The following SORCS3 variants were observed in gnomAD, a reference collection of about 807,000 sequenced individuals.
The protein encoded by SORCS3 is sortilin related VPS10 domain containing receptor 3.
A neutral mutation model predicts 146.3 loss-of-function variants in SORCS3; 57 were observed. That is an observed-to-expected ratio of 0.39 (90% CI 0.31 to 0.49). The LOEUF (loss-of-function observed/expected upper bound fraction) is 0.49, where lower values mean the gene tolerates loss of function less well. SORCS3 is among the 20% of genes least tolerant of loss of function. The pLI, the probability that SORCS3 is intolerant of heterozygous loss-of-function variation, is 0.92. For synonymous variants in SORCS3, 653 were observed against 618.5 expected (o/e 1.06, Z -0.83); for missense variants, 1,341 against 1,575.5 (o/e 0.85, Z 2.52).
chr10:104,689,130 C>T (rs1015513589), intron 1 of SORCS3, among the ~76,000 whole-genome samples: 13 of 152,198 alleles, frequency 8.5e-5, no homozygotes, highest in Non-Finnish European at 2.9e-5. Context: ...CTTCATTTTC[C>T]ATCACTCCTG....
chr10:104,799,496 A>G lies in SORCS3; in HGVS notation c.628-43296A>G, dbSNP rs536625803. On this transcript the variant is annotated intron_variant, in intron 1 of 26. Coordinates refer to ENST00000369701, the MANE Select transcript of SORCS3 (RefSeq NM_014978.3). Reference sequence around the variant, plus strand: ...AATCATAAGTGGGAGTTGAACAATGAAAACACATGGACACAGGGAGGGGAA... The same window carrying G: ...AATCATAAGTGGGAGTTGAACAATGGAAACACATGGACACAGGGAGGGGAA... 4.9e-4 allele frequency among the ~76,000 whole-genome samples: 75 copies of G among 152,242 alleles called. No homozygotes were observed. In the South Asian group the frequency reaches 5.4e-3, roughly 11 times the overall value.
chr10:104,876,846 T>C (rs1434075806), intron 2 of SORCS3, among the ~76,000 whole-genome samples: 1 of 151,816 alleles, frequency 6.6e-6, no homozygotes. Flanking sequence ...TTCTCTGCTT[T>C]TCTTTTTTCT....
intron 1 of SORCS3, among the ~76,000 whole-genome samples, chr10:104,823,329 G>T (rs76316200): frequency 0.018 from 2,668 of 152,254 alleles, 94 homozygotes; most frequent in African/African-American, 0.058. Context: ...TTGGATTGGA[G>T]CTGGATCTCA....
At chr10:104,889,528 T>A (rs1342727539) in intron 2 of SORCS3, among the ~76,000 whole-genome samples, 1 of 151,564 alleles carries the variant, frequency 6.6e-6, no homozygotes, top group East Asian at 1.9e-4. Flanking sequence ...TTGTGTCAGG[T>A]TAGGGGTTGC....
At chr10:104,733,978 C>T (rs542622125) in intron 1 of SORCS3, among the ~76,000 whole-genome samples, 2 of 152,212 alleles carry the variant, frequency 1.3e-5, no homozygotes, top group African/African-American at 4.8e-5. Context: ...TCCTGATGTC[C>T]TGTTTGTTTT....
At chr10:104,784,924 C>T (rs763907072) in intron 1 of SORCS3, among the ~76,000 whole-genome samples, 11 of 152,192 alleles carry the variant, frequency 7.2e-5, no homozygotes, top group Non-Finnish European at 1.5e-4. Context: ...CACAAAGCCG[C>T]CATTGTCATC....
chr10:105,017,334 A>G (rs1347238508), intron 4 of SORCS3, among the ~76,000 whole-genome samples: 1 of 152,148 alleles, frequency 6.6e-6, no homozygotes, highest in African/African-American at 2.4e-5. Context: ...ATGCAGTGAA[A>G]GAATAGGAAG....
At chr10:105,030,091 C>T (rs1047247942) in intron 4 of SORCS3, among the ~76,000 whole-genome samples, 1 of 152,154 alleles carries the variant, frequency 6.6e-6, no homozygotes, top group Non-Finnish European at 1.5e-5. Flanking sequence ...CAAAACAGCC[C>T]AGTTAGTTCA....
intron 13 of SORCS3, among the ~76,000 whole-genome samples, chr10:105,170,893 G>A (rs2056353986): frequency 6.6e-6 from 1 of 152,074 alleles, no homozygotes; most frequent in Non-Finnish European, 1.5e-5. Flanking sequence ...TGAAACTTAA[G>A]CCAGCTTTTT....
At chr10:104,649,382 T>C (rs1170219935) in intron 1 of SORCS3, among the ~76,000 whole-genome samples, 1 of 152,242 alleles carries the variant, frequency 6.6e-6, no homozygotes, top group Non-Finnish European at 1.5e-5. Flanking sequence ...TAAGTGAGAC[T>C]GTACAGGGCA....
chr10:104,987,774 T>G (rs903762005), intron 4 of SORCS3, among the ~76,000 whole-genome samples: 10 of 152,192 alleles, frequency 6.6e-5, no homozygotes, highest in African/African-American at 2.4e-4. Flanking sequence ...AAGTGATTTA[T>G]TCTGGTAGTT....
chr10:104,735,238 C>T (rs2016754021), intron 1 of SORCS3, among the ~76,000 whole-genome samples: 1 of 152,110 alleles, frequency 6.6e-6, no homozygotes, highest in African/African-American at 2.4e-5. Context: ...TTGTTCTTGG[C>T]ACTTATGCCA....
intron 2 of SORCS3, among the ~76,000 whole-genome samples, chr10:104,887,971 G>GCT (rs1554857309): frequency 1.2e-5 from 1 of 83,034 alleles, no homozygotes; most frequent in Non-Finnish European, 2.5e-5. Flanking sequence ...GGGGGGCGGG[G>GCT]GCGGAGCAAG....
chr10:105,119,025 C>T (rs186825603), intron 7 of SORCS3, among the ~76,000 whole-genome samples: 1 of 152,270 alleles, frequency 6.6e-6, no homozygotes, highest in African/African-American at 2.4e-5. Context: ...CATCAGAGGT[C>T]ATCACAGAAG....
intron 9 of SORCS3, among the ~76,000 whole-genome samples, chr10:105,153,448 T>C (rs1364326255): frequency 6.6e-6 from 1 of 152,170 alleles, no homozygotes; most frequent in Non-Finnish European, 1.5e-5. Flanking sequence ...TTATTTCTCA[T>C]GGGTAAATAC....
At chr10:105,011,181 C>T (rs2055134286) in intron 4 of SORCS3, among the ~76,000 whole-genome samples, 1 of 152,154 alleles carries the variant, frequency 6.6e-6, no homozygotes, top group Admixed American at 6.5e-5. Context: ...TTATCCCTTA[C>T]AACTTTATTG....
rs1056539919 is a variant in SORCS3, at chr10:104,987,723, T to C, written c.954+10230T>C. Among the ~76,000 whole-genome samples the C allele has an allele frequency of 2.0e-5, 3 of 152,070 alleles. No homozygotes were observed. In the East Asian group the frequency reaches 5.8e-4, roughly 29 times the overall value. On this transcript the variant is annotated intron_variant, in intron 4 of 26. Coordinates refer to ENST00000369701, the MANE Select transcript of SORCS3 (RefSeq NM_014978.3). ...TTACAACTCAGCAACAAATGTAGGG[T>C]TTATTATTCAGAACGCACCCACCAT... is the stretch of plus-strand genomic sequence containing the variant.
intron 1 of SORCS3, among the ~76,000 whole-genome samples, chr10:104,679,015 T>C (rs1413025779): frequency 6.6e-6 from 1 of 152,214 alleles, no homozygotes; most frequent in Non-Finnish European, 1.5e-5. Flanking sequence ...GAAGGGCTTT[T>C]ATACAGAAGA....
chr10:104,748,277 A>G (rs374867436), intron 1 of SORCS3, among the ~76,000 whole-genome samples: 1 of 152,212 alleles, frequency 6.6e-6, no homozygotes, highest in Non-Finnish European at 1.5e-5. Context: ...TCTAGCAAAT[A>G]ATAAACTATT....
Sources: gnomAD v4.1 joint callset for allele counts (sites outside exome capture counted in the v4.1 genomes callset) on GRCh38, gnomAD v4.1.1 for gene constraint, MANE v1.5 for transcripts, NCBI Gene and HGNC (gene_info 2026-07-23, HGNC 2026-07-21) for gene names.